LMLN: variants seen among roughly 807,000 people sequenced by gnomAD.
The protein encoded by LMLN is leishmanolysin-like peptidase.
A neutral mutation model predicts 92.3 loss-of-function variants in LMLN; 70 were observed. The ratio of observed to expected loss-of-function variants is 0.76; its 90% confidence interval spans 0.63 to 0.92. The LOEUF (loss-of-function observed/expected upper bound fraction) is 0.92, where lower values mean the gene tolerates loss of function less well. Ranked by LOEUF, LMLN falls within the 40% of genes least tolerant of loss-of-function variation. The pLI is 0.00. For missense variants in LMLN, 691 were observed against 814.6 expected, an observed-to-expected ratio of 0.85 and a Z score of 1.85; for synonymous variants, 308 against 296.2, an observed-to-expected ratio of 1.04 and a Z score of -0.41.
rs554456965 is a variant in LMLN at position 198,042,153 on chromosome 3, T to C, written c.*3486T>C. Reference sequence around the variant, plus strand: ...GCTTGAATATGATTTTACTCATCATTGATTCTGCATAGTGTACCCAGCAAG... The same window carrying C: ...GCTTGAATATGATTTTACTCATCATCGATTCTGCATAGTGTACCCAGCAAG... On this transcript the variant is annotated 3_prime_UTR_variant, in exon 16 of 16. Coordinates refer to ENST00000330198, the Ensembl canonical transcript of LMLN. This position sits in a 1 kb window ranked among gnomAD's most constrained non-coding sequence, Gnocchi z 4.2. 2.6e-5 allele frequency: 4 copies of C among 152,322 alleles called. No homozygotes were observed. In the South Asian group the frequency reaches 6.2e-4, roughly 24 times the overall value. The allele number at this position is 152,322 out of a possible 1,614,324, so 9.4% of individuals were successfully genotyped here.
At position 197,983,938 on chromosome 3, in the gene LMLN, GA is replaced by G. The variant is rs764051690; in HGVS notation, c.729-4del. 9 of 1,584,284 alleles carry G rather than the reference GA, an allele frequency of 5.7e-6. No individual in the cohort carries two copies. The South Asian group carries it at 1.0e-4, about 18-fold the overall frequency. ...AATTTAAAAATTCAATGTCTGTTTT[GA>G]CAGGCCAATAGCAGGATATGCTAAC... On this transcript the variant is annotated splice_region_variant and splice_polypyrimidine_tract_variant and intron_variant, in intron 6 of 15. Coordinates refer to ENST00000330198, the Ensembl canonical transcript of LMLN.
chr3:198,038,662 C>T, exon 16 of LMLN: 1 of 1,606,468 alleles, frequency 6.2e-7, no homozygotes, highest in Non-Finnish European at 8.5e-7. Flanking sequence ...GTGTATATGG[C>T]ACTAGGAATG....
chr3:198,002,279 C>A (rs1722195224), intron 11 of LMLN, among the ~76,000 whole-genome samples: 1 of 152,016 alleles, frequency 6.6e-6, no homozygotes, highest in African/African-American at 2.4e-5. Flanking sequence ...AAGTACACAC[C>A]ACTGCACACC....
chr3:198,036,244 C>G (rs1723232184), intron 15 of LMLN, among the ~76,000 whole-genome samples: 1 of 152,148 alleles, frequency 6.6e-6, no homozygotes, highest in Admixed American at 6.5e-5. Flanking sequence ...TGAGTAAGAG[C>G]AAGGGTGAGG....
chr3:198,030,992 G>C (rs951446135), intron 14 of LMLN, among the ~76,000 whole-genome samples: 2 of 150,512 alleles, frequency 1.3e-5, no homozygotes, highest in African/African-American at 4.9e-5. Context: ...AGTTTCCACC[G>C]TGACGCCTGC....
rs200937428 is a variant in LMLN at position 198,013,089 on chromosome 3, C to A, written c.1233-6164C>A. On this transcript the variant is annotated intron_variant, in intron 11 of 15. Transcript: ENST00000330198. ...GAGCCCCCTAACTAGTCTGACTTCT[C>A]TCCACCCTTCAGAGCCCCCTAACTA... Among the ~76,000 whole-genome samples, 3 of 142,660 alleles carry A rather than the reference C, an allele frequency of 2.1e-5. No individual in the cohort carries two copies. In the East Asian group the frequency reaches 6.0e-4, roughly 29 times the overall value. The allele number at this position is 142,660 out of a possible 152,430, so 93.6% of individuals were successfully genotyped here.
chr3:198,021,533 C>T lies in LMLN; in HGVS notation c.1453C>T (p.Gln485Ter). Residue 485 changes from glutamine to a stop codon, truncating the protein, a stop_gained, in exon 13 of 16, where the codon CAG (glutamine) becomes TAG (stop). Coordinates refer to ENST00000330198, the Ensembl canonical transcript of LMLN. LOFTEE classifies it high-confidence loss of function. ...AATTGCTGACTACTGCCCTTTCAGTCAGGAATTCAGTTGGCATTTAAGTGG... is the reference window on the plus strand; with the variant it reads ...AATTGCTGACTACTGCCCTTTCAGTTAGGAATTCAGTTGGCATTTAAGTGG... The T allele has an allele frequency of 1.9e-6, 3 of 1,614,048 alleles. No homozygotes were observed. Among genetic ancestry groups the T allele is most frequent in the Non-Finnish European group, 2.5e-6 (3 of 1,179,958 alleles).
At chr3:198,036,350 A>C (rs1324821576) in intron 15 of LMLN, among the ~76,000 whole-genome samples, 1 of 152,222 alleles carries the variant, frequency 6.6e-6, no homozygotes, top group Non-Finnish European at 1.5e-5. Flanking sequence ...AATTAAGGGT[A>C]AACAAAATTC....
At chr3:197,975,627 G>C (rs145861519) in intron 3 of LMLN, among the ~76,000 whole-genome samples, 251 of 152,266 alleles carry the variant, frequency 1.6e-3, no homozygotes, top group African/African-American at 5.7e-3. Context: ...AACTATCTTA[G>C]TGTTGGAATC....
Position 198,025,591 on chromosome 3 carries a change from A to G in LMLN, c.1656+803A>G, listed in dbSNP as rs1459312773. ...CACTATGTTGCCCAGGCTAGATTAG[A>G]ACTTCGGGGCCCAAGCAATCCTCTT... On this transcript the variant is annotated intron_variant, in intron 14 of 15. Coordinates refer to ENST00000330198, the Ensembl canonical transcript of LMLN. This position sits in a 1 kb window ranked among gnomAD's most constrained non-coding sequence, Gnocchi z 4.3. 6.6e-6 allele frequency among the ~76,000 whole-genome samples: 1 copy of G among 152,172 alleles called. No homozygotes were observed. Among genetic ancestry groups the G allele is most frequent in the Non-Finnish European group, 1.5e-5 (1 of 68,030 alleles).
chr3:197,980,641 G>T (rs1721530469), intron 6 of LMLN, 137 bp downstream of exon 6: 1 of 799,782 alleles, frequency 1.3e-6, no homozygotes, highest in South Asian at 1.7e-5. Context: ...CATGCTGCCT[G>T]GGTTTGGAGT....
At chr3:197,975,011 A>G (rs1247382874) in intron 2 of LMLN, 31 bp from the exon 3 acceptor site, 4 of 1,412,788 alleles carry the variant, frequency 2.8e-6, no homozygotes. Context: ...TCTGAGAGAT[A>G]ATCCTTATGT....
intron 11 of LMLN, among the ~76,000 whole-genome samples, chr3:198,009,313 T>C (rs1351753695): frequency 1.3e-5 from 2 of 152,240 alleles, no homozygotes; most frequent in African/African-American, 4.8e-5. Context: ...TTTGACACTT[T>C]ATAGTTAGGT....
At chr3:197,982,837 G>C (rs1721597201) in intron 6 of LMLN, among the ~76,000 whole-genome samples, 1 of 152,238 alleles carries the variant, frequency 6.6e-6, no homozygotes, top group African/African-American at 2.4e-5. Context: ...TGAAACGTTA[G>C]CTGCAACCTG....
chr3:197,995,862 A>T (rs570517192), intron 9 of LMLN, among the ~76,000 whole-genome samples: 2 of 152,310 alleles, frequency 1.3e-5, no homozygotes, highest in East Asian at 3.9e-4. Flanking sequence ...TAAATAAAAA[A>T]TTTTAAATTG....
intron 13 of LMLN, among the ~76,000 whole-genome samples, chr3:198,023,350 G>A (rs567876930): frequency 6.6e-4 from 100 of 152,072 alleles, no homozygotes; most frequent in African/African-American, 2.2e-3. Context: ...CTCCACACCT[G>A]ACTAATTTTT....
chr3:198,011,997 A>G (rs1486785017), intron 11 of LMLN, among the ~76,000 whole-genome samples: 1 of 152,244 alleles, frequency 6.6e-6, no homozygotes, highest in Non-Finnish European at 1.5e-5. Context: ...GCTAATATCG[A>G]GAATCTACAA....
rs73891805 is a variant in LMLN, at chr3:198,026,988, G to A, written c.1656+2200G>A. Among the ~76,000 whole-genome samples, 250 of 151,528 alleles carry A rather than the reference G, an allele frequency of 1.6e-3. 1 individual carries two copies. The highest frequency in any genetic ancestry group is 5.5e-3 in the African/African-American group (229 of 41,420). ...TATCAGTACACTCTCCTGTGAGTGCGTGTGTGTGTGTGTAAGTAATCATGA... is the reference window on the plus strand; with the variant it reads ...TATCAGTACACTCTCCTGTGAGTGCATGTGTGTGTGTGTAAGTAATCATGA... On this transcript the variant is annotated intron_variant, in intron 14 of 15. Coordinates refer to ENST00000330198, the Ensembl canonical transcript of LMLN.
chr3:197,988,515 TCTCA>T (rs1468639295), intron 8 of LMLN, among the ~76,000 whole-genome samples: 1 of 126,886 alleles, frequency 7.9e-6, no homozygotes, highest in African/African-American at 3.0e-5. Context: ...TGAGGCAGGG[TCTCA>T]CTCTGTTGCC....
Sources: allele counts gnomAD v4.1 joint callset (sites outside exome capture counted in the v4.1 genomes callset), GRCh38; gene constraint gnomAD v4.1.1; non-coding constraint Gnocchi (gnomAD v3.1); transcripts MANE v1.5; gene names NCBI Gene and HGNC (gene_info 2026-07-23, HGNC 2026-07-21).